The following PLCH1 variants were observed in gnomAD, a reference collection of about 807,000 sequenced individuals.
PLCH1 encodes phospholipase C eta 1, also known as 1-phosphatidylinositol 4,5-bisphosphate phosphodiesterase eta-1.
Under a neutral mutation model 126.7 loss-of-function variants are expected in PLCH1, and 60 were observed. That is an observed-to-expected ratio of 0.47 (90% CI 0.38 to 0.59). The LOEUF (loss-of-function observed/expected upper bound fraction) is 0.59. Among genes scored for constraint, PLCH1 ranks in the 20% least tolerant of loss-of-function variants. PLCH1 has a pLI of 0.00. For missense variants in PLCH1, 1,723 were observed against 2,040.0 expected (o/e 0.84, Z 2.99); for synonymous variants, 719 against 734.9 (o/e 0.98, Z 0.35).
chr3:155,680,136 G>A (rs1372731065), intron 2 of PLCH1, among the ~76,000 whole-genome samples: 2 of 152,188 alleles, frequency 1.3e-5, no homozygotes, highest in South Asian at 2.1e-4. Flanking sequence ...TGTAATCCCA[G>A]CACATTGGGA....
intron 2 of PLCH1, among the ~76,000 whole-genome samples, chr3:155,619,245 AC>A (rs1264208329): frequency 1.3e-5 from 2 of 150,232 alleles, no homozygotes; most frequent in African/African-American, 5.0e-5. Context: ...AAGTCACTGT[AC>A]ACTTTATACT....
chr3:155,651,084 T>TG (rs1740664059), intron 2 of PLCH1, among the ~76,000 whole-genome samples: 2 of 152,176 alleles, frequency 1.3e-5, no homozygotes, highest in African/African-American at 4.8e-5. Flanking sequence ...AACTGTTGGC[T>TG]GGATTTAAAA....
chr3:155,549,988 G>T lies in PLCH1; in HGVS notation c.1191-30C>A, dbSNP rs200278470. 38 of 1,572,898 alleles carry T rather than the reference G, an allele frequency of 2.4e-5. No individual in the cohort carries two copies. The East Asian group carries it at 7.9e-4, about 33-fold the overall frequency. On this transcript the variant is annotated intron_variant, in intron 9 of 22. Coordinates refer to ENST00000460012, the MANE Select transcript of PLCH1 (RefSeq NM_014996.4). ...GAAAAGAGCAACACAGTCCAGAGGC[G>T]TCAGGTGCAGGCAACTCACAGGGAC...
chr3:155,568,877 G>A (rs932168548), intron 6 of PLCH1, among the ~76,000 whole-genome samples: 7 of 151,848 alleles, frequency 4.6e-5, no homozygotes, highest in East Asian at 3.9e-4. Flanking sequence ...TGAAAAGCTA[G>A]GTGAGGTAGC....
intron 8 of PLCH1, among the ~76,000 whole-genome samples, chr3:155,558,055 T>C (rs954706927): frequency 2.0e-5 from 3 of 152,208 alleles, no homozygotes; most frequent in Non-Finnish European, 2.9e-5. Flanking sequence ...AAAAGACTTA[T>C]TGCTCTTCCT....
intron 12 of PLCH1, among the ~76,000 whole-genome samples, chr3:155,511,386 C>T (rs371714471): frequency 1.2e-4 from 14 of 119,544 alleles, no homozygotes; most frequent in African/African-American, 4.4e-4. Context: ...AGCTTTGTTC[C>T]GTTGCTGGTG....
chr3:155,528,030 T>C (rs376413019), intron 10 of PLCH1, among the ~76,000 whole-genome samples: 3 of 148,760 alleles, frequency 2.0e-5, no homozygotes, highest in South Asian at 2.2e-4. Context: ...TCAAGACCAG[T>C]CTGGGCAACA....
At chr3:155,458,453 G>GGAAGGAAGGAAGGAAAGAAAGAAA (rs1712545447) in intron 21 of PLCH1, among the ~76,000 whole-genome samples, 1 of 28,686 alleles carries the variant, frequency 3.5e-5, no homozygotes. Flanking sequence ...AAGGAAGGAA[G>GGAAGGAAGGAAGGAAAGAAAGAAA]GAAAGAAAGA....
chr3:155,703,502 GC>G (rs1289221602), intron 2 of PLCH1, among the ~76,000 whole-genome samples: 1 of 152,186 alleles, frequency 6.6e-6, no homozygotes, highest in Non-Finnish European at 1.5e-5. Context: ...ACAGATACCA[GC>G]AGGGTAAAGG....
chr3:155,674,457 GA>G (rs746746059), intron 2 of PLCH1, among the ~76,000 whole-genome samples: 21 of 152,088 alleles, frequency 1.4e-4, no homozygotes, highest in Non-Finnish European at 2.8e-4. Flanking sequence ...CTCAGATATA[GA>G]GTTGATCTGC....
chr3:155,520,165 T>C (rs563878080), intron 11 of PLCH1, among the ~76,000 whole-genome samples: 2 of 152,338 alleles, frequency 1.3e-5, no homozygotes, highest in Non-Finnish European at 1.5e-5. Flanking sequence ...GCCCAGCACC[T>C]GGGCTTTTTG....
intron 2 of PLCH1, among the ~76,000 whole-genome samples, chr3:155,605,562 T>G (rs1734250851): frequency 6.6e-6 from 1 of 152,212 alleles, no homozygotes; most frequent in African/African-American, 2.4e-5. Flanking sequence ...ATGTCATCAT[T>G]AGCCTTAAAA....
chr3:155,691,227 G>C (rs1304675298), intron 2 of PLCH1, among the ~76,000 whole-genome samples: 1 of 152,182 alleles, frequency 6.6e-6, no homozygotes, highest in African/African-American at 2.4e-5. Flanking sequence ...TGATTTCTGT[G>C]AGTTTCATCT....
chr3:155,497,533 G>A (rs905575266), intron 14 of PLCH1, 116 bp from the exon 15 acceptor site: 2 of 718,198 alleles, frequency 2.8e-6, no homozygotes, highest in East Asian at 5.2e-5. Flanking sequence ...CCTGCCCCAG[G>A]TCCTAAGGGA....
chr3:155,557,830 G>A (rs57904166), intron 8 of PLCH1, among the ~76,000 whole-genome samples: 2,522 of 152,252 alleles, frequency 0.017, 74 homozygotes, highest in African/African-American at 0.057. Flanking sequence ...TCATAATGGA[G>A]CTTAAAGACG....
chr3:155,624,630 C>T (rs2108784980), intron 2 of PLCH1, among the ~76,000 whole-genome samples: 1 of 152,250 alleles, frequency 6.6e-6, no homozygotes, highest in East Asian at 1.9e-4. Context: ...CATGAGTGAA[C>T]TCCCATTCAC....
chr3:155,499,985 A>G (rs1201190839), intron 14 of PLCH1, among the ~76,000 whole-genome samples: 2 of 152,212 alleles, frequency 1.3e-5, no homozygotes, highest in East Asian at 3.9e-4. Flanking sequence ...ATTTCAAATA[A>G]TTTCATTTTT....
intron 2 of PLCH1, among the ~76,000 whole-genome samples, chr3:155,649,941 G>A (rs756927850): frequency 6.6e-6 from 1 of 152,028 alleles, no homozygotes; most frequent in Non-Finnish European, 1.5e-5. Flanking sequence ...TAGCGCCACT[G>A]CACTCCAGCC....
At chr3:155,502,435 G>A (rs1252665047) in intron 13 of PLCH1, among the ~76,000 whole-genome samples, 2 of 152,142 alleles carry the variant, frequency 1.3e-5, no homozygotes, top group African/African-American at 4.8e-5. Flanking sequence ...ATAAATTTTA[G>A]TTAGGTGAAG....
Sources: allele counts gnomAD v4.1 joint callset (sites outside exome capture counted in the v4.1 genomes callset), GRCh38; gene constraint gnomAD v4.1.1; transcripts MANE v1.5; gene names NCBI Gene and HGNC (gene_info 2026-07-23, HGNC 2026-07-21).